The following ROBO2 variants were observed in gnomAD, a reference collection of about 807,000 sequenced individuals.
ROBO2 encodes roundabout homolog 2.
In ROBO2, 53 loss-of-function variants were observed where a neutral mutation model predicts 160.8. The ratio of observed to expected loss-of-function variants is 0.33; its 90% CI spans 0.26 to 0.41. The LOEUF (loss-of-function observed/expected upper bound fraction) is 0.41. Among genes scored for constraint, ROBO2 ranks in the 10% least tolerant of loss-of-function variants. ROBO2 has a pLI of 1.00. For missense variants in ROBO2, 1,577 were observed against 1,722.4 expected (o/e 0.92, Z 1.49); for synonymous variants, 664 against 611.7 (o/e 1.09, Z -1.26).
chr3:76,987,194 A>C (rs954514833), intron 2 of ROBO2, among the ~76,000 whole-genome samples: 22 of 152,214 alleles, frequency 1.4e-4, no homozygotes, highest in African/African-American at 4.8e-4. Flanking sequence ...AAATTGAGTC[A>C]ATTACTAATT....
At chr3:76,944,901 T>G (rs2078422012) in intron 2 of ROBO2, among the ~76,000 whole-genome samples, 2 of 152,066 alleles carry the variant, frequency 1.3e-5, no homozygotes, top group Non-Finnish European at 2.9e-5. Flanking sequence ...ATGGCTTTTT[T>G]TTTTTTAGAC....
At chr3:76,973,016 A>G (rs2059644513) in intron 2 of ROBO2, among the ~76,000 whole-genome samples, 1 of 152,212 alleles carries the variant, frequency 6.6e-6, no homozygotes, top group African/African-American at 2.4e-5. Flanking sequence ...GTGCAAGTAT[A>G]TATCAAAGCT....
Position 76,920,214 on chromosome 3 carries a change from C to T in ROBO2, c.110-177800C>T, listed in dbSNP as rs143656574. ...GGAGAAAACCAACTTAACCTAAAGT[C>T]TCAGTATTGAAAGAGAAAATAAATG... is the stretch of plus-strand genomic sequence containing the variant. On this transcript the variant is annotated intron_variant, in intron 2 of 26. Transcript: ENST00000487694. Among the ~76,000 whole-genome samples the T allele has an allele frequency of 3.9e-3, 599 of 151,782 alleles. 2 individuals carry two copies. Among genetic ancestry groups the T allele is most frequent in the African/African-American group, 0.014 (563 of 41,362 alleles).
intron 2 of ROBO2, among the ~76,000 whole-genome samples, chr3:76,726,451 C>T (rs1010537033): frequency 6.6e-6 from 1 of 152,116 alleles, no homozygotes; most frequent in Non-Finnish European, 1.5e-5. Context: ...GAATAGTGAT[C>T]CTCTATGAAG....
chr3:76,639,632 G>A (rs574098438), intron 2 of ROBO2, among the ~76,000 whole-genome samples: 26 of 152,160 alleles, frequency 1.7e-4, no homozygotes, highest in African/African-American at 6.3e-4. Flanking sequence ...CAATTTTAAG[G>A]GGGAAACAAG....
At chr3:75,963,644 ACTT>A (rs2107297340) in intron 2 of ROBO2, among the ~76,000 whole-genome samples, 1 of 151,926 alleles carries the variant, frequency 6.6e-6, no homozygotes, top group Admixed American at 6.6e-5. Flanking sequence ...CTAAGGTGGC[ACTT>A]AAACACATGC....
chr3:76,399,991 A>G (rs1455675098), intron 2 of ROBO2, among the ~76,000 whole-genome samples: 2 of 151,690 alleles, frequency 1.3e-5, no homozygotes, highest in Non-Finnish European at 3.0e-5. Context: ...AAATAGATGA[A>G]TGGATATTAC....
At position 77,073,391 on chromosome 3, in the gene ROBO2, G is replaced by A. The variant is rs186335907; in HGVS notation, c.62-24623G>A. Among the ~76,000 whole-genome samples the A allele has an allele frequency of 1.4e-3, 210 of 152,260 alleles. 1 individual carries two copies. Among genetic ancestry groups the A allele is most frequent in the African/African-American group, 4.6e-3 (192 of 41,558 alleles). On this transcript the variant is annotated intron_variant, in intron 1 of 25. Coordinates refer to ENST00000461745, the Ensembl canonical transcript of ROBO2. ...CACCTGTAGGGCGAAGTAAATATGCGAGGAAATAGTCTCCATAATTGTTTA... is the reference window on the plus strand; with the variant it reads ...CACCTGTAGGGCGAAGTAAATATGCAAGGAAATAGTCTCCATAATTGTTTA...
chr3:77,329,985 C>T (rs1369024174), intron 2 of ROBO2, among the ~76,000 whole-genome samples: 2 of 152,172 alleles, frequency 1.3e-5, no homozygotes, highest in Non-Finnish European at 2.9e-5. Context: ...AAAACATGAA[C>T]TTCACCATTA....
Position 76,182,161 on chromosome 3 carries a change from A to G in ROBO2, c.109+244559A>G, listed in dbSNP as rs564904661. On this transcript the variant is annotated intron_variant, in intron 2 of 26. Transcript: ENST00000487694. The stretch of plus-strand genomic sequence containing the variant: ...ATATATTTTCAATGAAAAGAAAGCA[A>G]TTGAATTTCCTGTGAACTCTCTGTA... Among the ~76,000 whole-genome samples, 26 of 133,518 alleles carry G rather than the reference A, an allele frequency of 1.9e-4. 1 individual carries two copies. The highest frequency in any genetic ancestry group is 1.7e-3 in the Admixed American group (23 of 13,580). 87.6% of individuals were successfully genotyped at this position (133,518 alleles called of 152,430 possible).
intron 2 of ROBO2, chr3:76,434,829 G>A (rs1302427206): frequency 5.3e-5 from 82 of 1,544,480 alleles, no homozygotes; most frequent in Non-Finnish European, 7.0e-5. Flanking sequence ...TGTATCTGAT[G>A]ACATGAAGAC....
At chr3:77,456,038 A>T (rs2081602724) in intron 2 of ROBO2, among the ~76,000 whole-genome samples, 2 of 152,194 alleles carry the variant, frequency 1.3e-5, no homozygotes, top group African/African-American at 2.4e-5. Flanking sequence ...TAGAGGAATT[A>T]TTCAGAAAGT....
chr3:76,924,746 A>C lies in ROBO2; in HGVS notation c.110-173268A>C, dbSNP rs548521844. Reference sequence around the variant, plus strand: ...CGGATTTTGGACTAAGAATGCCATAAATTGGAATTCCAGCTTCACTACCTG... The same window carrying C: ...CGGATTTTGGACTAAGAATGCCATACATTGGAATTCCAGCTTCACTACCTG... On this transcript the variant is annotated intron_variant, in intron 2 of 26. Transcript: ENST00000487694. 3.3e-5 allele frequency among the ~76,000 whole-genome samples: 5 copies of C among 152,276 alleles called. No homozygotes were observed. The East Asian group carries it at 9.7e-4, about 29-fold the overall frequency.
intron 2 of ROBO2, among the ~76,000 whole-genome samples, chr3:76,577,882 T>C (rs2085406806): frequency 6.6e-6 from 1 of 152,132 alleles, no homozygotes. Flanking sequence ...AACAAAGAAC[T>C]GGCCTTTTGT....
At chr3:76,141,078 A>T (rs9840291) in intron 2 of ROBO2, among the ~76,000 whole-genome samples, 5 of 17,538 alleles carry the variant, frequency 2.9e-4, no homozygotes, top group African/African-American at 4.9e-4. Context: ...TATATATATA[A>T]AATATATGTG....
At chr3:76,650,593 C>G (rs900516876) in intron 2 of ROBO2, among the ~76,000 whole-genome samples, 6 of 151,850 alleles carry the variant, frequency 4.0e-5, no homozygotes, top group Non-Finnish European at 5.9e-5. Context: ...AAGTTCTTGA[C>G]AGTTTTGCAA....
At chr3:76,213,653 G>A (rs1411251979) in intron 2 of ROBO2, among the ~76,000 whole-genome samples, 2 of 152,098 alleles carry the variant, frequency 1.3e-5, no homozygotes, top group African/African-American at 4.8e-5. Flanking sequence ...TTATCAAAGT[G>A]GAGCACATGG....
chr3:76,395,534 C>T (rs1414280930), intron 2 of ROBO2, among the ~76,000 whole-genome samples: 2 of 147,614 alleles, frequency 1.4e-5, no homozygotes, highest in South Asian at 2.1e-4. Flanking sequence ...AATCCAGGAG[C>T]TGGTTTTTTG....
chr3:76,435,075 A>G (rs1226807821), intron 2 of ROBO2: 40 of 1,070,412 alleles, frequency 3.7e-5, no homozygotes, highest in Middle Eastern at 4.0e-4. Flanking sequence ...GTGTGTCAAC[A>G]TGACATTGCA....
Sources: allele counts gnomAD v4.1 joint callset (sites outside exome capture counted in the v4.1 genomes callset), GRCh38; gene constraint gnomAD v4.1.1; transcripts MANE v1.5; gene names NCBI Gene and HGNC (gene_info 2026-07-23, HGNC 2026-07-21).